The following GSG1L2 variants were observed in gnomAD, a reference collection of about 807,000 sequenced individuals.
The protein encoded by GSG1L2 is germ cell-specific gene 1-like protein 2.
GSG1L2 carries 15 observed loss-of-function variants against 9.0 expected under a neutral mutation model. The ratio of observed to expected loss-of-function variants is 1.67; its 90% CI spans 1.12 to 2.57. The LOEUF is 2.57. Ranked by LOEUF, GSG1L2 falls within the 30% of genes most tolerant of loss-of-function variation. GSG1L2 has a pLI of 0.00. For synonymous variants in GSG1L2, 127 were observed against 57.9 expected (o/e 2.19, Z -5.41); for missense variants, 286 against 150.3 (o/e 1.90, Z -4.72).
At position 9,807,529 on chromosome 17, in the gene GSG1L2, T is replaced by A; in HGVS notation, c.584A>T (p.Asp195Val). 1 of 703,126 alleles carries A rather than the reference T, an allele frequency of 1.4e-6. No homozygotes were observed. The allele number at this position is 703,126 out of a possible 1,614,324, so 43.6% of individuals were successfully genotyped here. ...FQITVNLGPE[D>V]WKPQTWDYGW... ...ATAGTCCCAGGTCTGAGGCTTCCAATCTTCTGGTCCAAGGTTCACAGTGAT... is the reference window on the plus strand; with the variant it reads ...ATAGTCCCAGGTCTGAGGCTTCCAAACTTCTGGTCCAAGGTTCACAGTGAT... The change falls in exon 4 of 5, where the codon GAT becomes GTT. Residue 195 changes from aspartate (D) to valine (V), a missense_variant. Physicochemically the swap from Asp to Val is radical, Grantham distance 152. Coordinates refer to ENST00000399363, the MANE Select transcript of GSG1L2 (RefSeq NM_001310219.2).
intron 3 of GSG1L2, among the ~76,000 whole-genome samples, chr17:9,808,298 C>T (rs2066523839): frequency 6.6e-6 from 1 of 151,784 alleles, no homozygotes; most frequent in Non-Finnish European, 1.5e-5. Context: ...AGAAGTAGAT[C>T]TAAAAAAAAG....
intron 4 of GSG1L2, among the ~76,000 whole-genome samples, chr17:9,803,530 T>C (rs2066505467): frequency 6.6e-6 from 1 of 152,202 alleles, no homozygotes; most frequent in Non-Finnish European, 1.5e-5. Flanking sequence ...ATCTGCTTTA[T>C]ACCAAAGGGT....
chr17:9,811,402 T>C (rs1451542171), intron 1 of GSG1L2, among the ~76,000 whole-genome samples: 1 of 152,164 alleles, frequency 6.6e-6, no homozygotes, highest in Non-Finnish European at 1.5e-5. Flanking sequence ...ATACTCTTTG[T>C]ATGTGAGTGT....
chr17:9,806,929 G>A (rs1210287843), intron 4 of GSG1L2, among the ~76,000 whole-genome samples: 1 of 152,204 alleles, frequency 6.6e-6, no homozygotes, highest in Non-Finnish European at 1.5e-5. Context: ...AGCCCTGAAC[G>A]TGTTATGTGT....
chr17:9,816,436 C>T (rs1181444418), intron 1 of GSG1L2, among the ~76,000 whole-genome samples: 2 of 112,322 alleles, frequency 1.8e-5, no homozygotes, highest in African/African-American at 7.5e-5. Flanking sequence ...GCGTGTGTCT[C>T]TCTGTGTGCG....
chr17:9,813,383 G>A (rs2066546768), intron 1 of GSG1L2, among the ~76,000 whole-genome samples: 1 of 152,202 alleles, frequency 6.6e-6, no homozygotes, highest in African/African-American at 2.4e-5. Flanking sequence ...TCACATGACT[G>A]TCCATCTCAG....
chr17:9,809,011 T>C (rs775657022), intron 2 of GSG1L2, 29 bp from the exon 3 acceptor site: 4 of 702,066 alleles, frequency 5.7e-6, no homozygotes, highest in South Asian at 1.5e-5. Context: ...TTGGAAACGC[T>C]GGACACTTCT....
At chr17:9,809,792 T>C (rs1222706164) in intron 2 of GSG1L2, 1 of 152,278 alleles carries the variant, frequency 6.6e-6, no homozygotes, top group Non-Finnish European at 1.5e-5. Context: ...CCAGGAAGTC[T>C]GGCTAGCCTC....
At chr17:9,811,422 G>A (rs1171704576) in intron 1 of GSG1L2, among the ~76,000 whole-genome samples, 2 of 152,204 alleles carry the variant, frequency 1.3e-5, no homozygotes, top group Non-Finnish European at 2.9e-5. Flanking sequence ...TCATCTGTCA[G>A]GTTGCACACA....
intron 2 of GSG1L2, chr17:9,809,226 G>C (rs1393382701): frequency 8.2e-6 from 4 of 486,330 alleles, no homozygotes; most frequent in Non-Finnish European, 1.5e-5. Flanking sequence ...GGGAAACTAA[G>C]CAAAACCCTG....
chr17:9,810,140 T>G, intron 2 of GSG1L2: 1 of 186,482 alleles, frequency 5.4e-6, no homozygotes, highest in Admixed American at 5.4e-5. Flanking sequence ...CTACTCCAGC[T>G]GGGAGAACAG....
chr17:9,811,713 G>A (rs1328277612), intron 1 of GSG1L2, among the ~76,000 whole-genome samples: 1 of 152,208 alleles, frequency 6.6e-6, no homozygotes, highest in Non-Finnish European at 1.5e-5. Flanking sequence ...ACAGGAGTGC[G>A]TTCAAGGGCC....
intron 1 of GSG1L2, among the ~76,000 whole-genome samples, chr17:9,816,522 C>CTGTGTGTG (rs1491196761): frequency 5.0e-5 from 7 of 140,662 alleles, no homozygotes; most frequent in Non-Finnish European, 7.7e-5. Context: ...GTGTGCGTGT[C>CTGTGTGTG]TGTGTCTCTG....
Position 9,801,310 on chromosome 17 carries a change from C to A in GSG1L2, c.*1076G>T, listed in dbSNP as rs2066495838. On this transcript the variant is annotated 3_prime_UTR_variant, in exon 5 of 5. Coordinates refer to ENST00000399363, the MANE Select transcript of GSG1L2 (RefSeq NM_001310219.2). Reference sequence around the variant, plus strand: ...GCAACCTCCACCTCCCAGGTTCAAGCGATTTCCCTGCCTCAGCCTCCTGAG... The same window carrying A: ...GCAACCTCCACCTCCCAGGTTCAAGAGATTTCCCTGCCTCAGCCTCCTGAG... 6.6e-6 allele frequency among the ~76,000 whole-genome samples: 1 copy of A among 151,922 alleles called. No homozygotes were observed. The highest frequency in any genetic ancestry group is 6.6e-5 in the Admixed American group (1 of 15,262).
intron 1 of GSG1L2, among the ~76,000 whole-genome samples, chr17:9,817,107 C>G (rs894634381): frequency 6.8e-6 from 1 of 146,316 alleles, no homozygotes; most frequent in South Asian, 2.2e-4. Context: ...CACATACACA[C>G]GCGAACTGAG....
chr17:9,816,513 TGTGCGTGTCTGTGTCTCTGTGTGCAC>T (rs2066562193), intron 1 of GSG1L2, among the ~76,000 whole-genome samples: 3 of 129,244 alleles, frequency 2.3e-5, no homozygotes, highest in African/African-American at 3.0e-5. Flanking sequence ...CCTGTCTGTG[TGTGCGTGTCTGTGTCTCTGTGTGCAC>T]GTGCGTGTGT....
intron 1 of GSG1L2, among the ~76,000 whole-genome samples, chr17:9,818,735 A>G (rs2066577779): frequency 6.6e-6 from 1 of 151,910 alleles, no homozygotes; most frequent in Non-Finnish European, 1.5e-5. Flanking sequence ...TTCGTGGTAA[A>G]TCCACCTCCA....
intron 1 of GSG1L2, among the ~76,000 whole-genome samples, chr17:9,813,201 G>C (rs11658445): frequency 0.48 from 72,665 of 152,046 alleles, 18,618 homozygotes; most frequent in East Asian, 0.85. Context: ...CCATGCCCAT[G>C]CTCGTGAATT....
Position 9,801,598 on chromosome 17 carries a change from A to C in GSG1L2, c.*788T>G, listed in dbSNP as rs558870075. On this transcript the variant is annotated 3_prime_UTR_variant, in exon 5 of 5. Coordinates refer to ENST00000399363, the MANE Select transcript of GSG1L2 (RefSeq NM_001310219.2). ...TGGTAGCTGGACATGGGATGAATTGATACAATATTGCAGATGACTGTATTA... is the reference window on the plus strand; with the variant it reads ...TGGTAGCTGGACATGGGATGAATTGCTACAATATTGCAGATGACTGTATTA... Among the ~76,000 whole-genome samples, 1 of 152,306 alleles carries C rather than the reference A, an allele frequency of 6.6e-6. No individual in the cohort carries two copies. The highest frequency in any genetic ancestry group is 1.9e-4 in the East Asian group (1 of 5,188).
Sources: gnomAD v4.1 joint callset for allele counts (sites outside exome capture counted in the v4.1 genomes callset) on GRCh38, gnomAD v4.1.1 for gene constraint, MANE v1.5 for transcripts, NCBI Gene and HGNC (gene_info 2026-07-23, HGNC 2026-07-21) for gene names.